Variants in CACHD1 observed in about 807,000 individuals in gnomAD.
CACHD1 encodes VWFA and cache domain-containing protein 1.
In CACHD1, 71 loss-of-function variants were observed where a neutral mutation model predicts 138.7. The ratio of observed to expected loss-of-function variants is 0.51; its 90% CI spans 0.42 to 0.62. CACHD1 has a LOEUF of 0.62. CACHD1 is among the 20% of genes least tolerant of loss of function. The pLI, the probability that CACHD1 is intolerant of heterozygous loss-of-function variation, is 0.00. For synonymous variants in CACHD1, 578 were observed against 591.5 expected (o/e 0.98, Z 0.33); for missense variants, 1,389 against 1,625.3 (o/e 0.85, Z 2.50).
intron 1 of CACHD1, among the ~76,000 whole-genome samples, chr1:64,539,599 C>A (rs140633779): frequency 6.6e-6 from 1 of 152,256 alleles, no homozygotes; most frequent in East Asian, 1.9e-4. Context: ...AATATGCAGG[C>A]CAATGTGTAG....
chr1:64,499,007 G>A (rs1202128632), intron 1 of CACHD1, among the ~76,000 whole-genome samples: 1 of 152,146 alleles, frequency 6.6e-6, no homozygotes, highest in Non-Finnish European at 1.5e-5. Flanking sequence ...CAGTTAGTTT[G>A]GGGTAGTATA....
chr1:64,633,528 A>G (rs1648389267), intron 6 of CACHD1, among the ~76,000 whole-genome samples: 1 of 152,142 alleles, frequency 6.6e-6, no homozygotes, highest in African/African-American at 2.4e-5. Context: ...GGAAGAAGGG[A>G]AAGCCGCTAG....
chr1:64,646,346 C>G (rs947782647), intron 8 of CACHD1, among the ~76,000 whole-genome samples: 9 of 152,284 alleles, frequency 5.9e-5, no homozygotes, highest in Non-Finnish European at 1.0e-4. Flanking sequence ...CTGATTCTGA[C>G]TTAATTTGGC....
intron 3 of CACHD1, among the ~76,000 whole-genome samples, chr1:64,582,959 A>G (rs1314851749): frequency 6.6e-6 from 1 of 152,156 alleles, no homozygotes; most frequent in Non-Finnish European, 1.5e-5. Flanking sequence ...GTTTATTTTT[A>G]TGCTCAGTTT....
chr1:64,474,875 C>G (rs1397694310), intron 1 of CACHD1, among the ~76,000 whole-genome samples: 1 of 152,246 alleles, frequency 6.6e-6, no homozygotes, highest in African/African-American at 2.4e-5. Context: ...TTACTATGAA[C>G]TTGGCAGACA....
chr1:64,665,759 G>A (rs910914657), intron 15 of CACHD1, among the ~76,000 whole-genome samples: 1 of 152,164 alleles, frequency 6.6e-6, no homozygotes, highest in Non-Finnish European at 1.5e-5. Flanking sequence ...ACTCACACTT[G>A]TAATCTCAGC....
rs367549239 is a variant in CACHD1 at position 64,629,410 on chromosome 1, A to G, written c.573A>G (p.Ser191=). ...GAATTAAGTGGCAATATTTCAGTTCAGAAGAAGGAATTTTCACTGTTTTCC... is the reference window on the plus strand; with the variant it reads ...GAATTAAGTGGCAATATTTCAGTTCGGAAGAAGGAATTTTCACTGTTTTCC... The part of the protein sequence containing the change: ...NPGIKWQYFS[S]EEGIFTVFPA... The change falls in exon 5 of 27, where the codon TCA becomes TCG. Residue 191 remains serine, a synonymous_variant. Transcript: ENST00000651257. 1.5e-5 allele frequency: 25 copies of G among 1,614,028 alleles called. No individual in the cohort carries two copies. Among genetic ancestry groups the G allele is most frequent in the Non-Finnish European group, 1.8e-5 (21 of 1,179,996 alleles).
At chr1:64,553,183 C>T (rs1380144116) in intron 2 of CACHD1, among the ~76,000 whole-genome samples, 4 of 152,184 alleles carry the variant, frequency 2.6e-5, no homozygotes, top group Admixed American at 2.0e-4. Context: ...AACAACATAA[C>T]AATAAAAGCT....
intron 3 of CACHD1, among the ~76,000 whole-genome samples, chr1:64,587,696 T>C (rs1647061697): frequency 6.6e-6 from 1 of 152,158 alleles, no homozygotes; most frequent in Admixed American, 6.5e-5. Flanking sequence ...TAAAACAACA[T>C]AGTTTTGAGA....
At chr1:64,619,700 TAG>T (rs937404950) in intron 4 of CACHD1, among the ~76,000 whole-genome samples, 1 of 152,104 alleles carries the variant, frequency 6.6e-6, no homozygotes, top group African/African-American at 2.4e-5. Context: ...CTTGGTTTAG[TAG>T]AAAGTGTTCT....
At position 64,635,455 on chromosome 1, in the gene CACHD1, C is replaced by A. The variant is rs547019954; in HGVS notation, c.1006+1195C>A. 3.4e-5 allele frequency among the ~76,000 whole-genome samples: 5 copies of A among 146,996 alleles called. No homozygotes were observed. The East Asian group carries it at 1.0e-3, about 30-fold the overall frequency. ...CTGGAGTGTGATCGCGCAATCCCGG[C>A]TCACTGCAACCTCCACCTCCCGGGT... On this transcript the variant is annotated intron_variant, in intron 7 of 26. Coordinates refer to ENST00000651257, the MANE Select transcript of CACHD1 (RefSeq NM_020925.4).
At chr1:64,618,348 A>G (rs1452609813) in intron 4 of CACHD1, among the ~76,000 whole-genome samples, 1 of 152,110 alleles carries the variant, frequency 6.6e-6, no homozygotes, top group African/African-American at 2.4e-5. Flanking sequence ...TGTTTATGCC[A>G]TGGCCCCTTT....
rs1646919813 is a variant in CACHD1 at position 64,570,626 on chromosome 1, T to G, written c.262-11530T>G. Among the ~76,000 whole-genome samples, 6 of 152,102 alleles carry G rather than the reference T, an allele frequency of 3.9e-5. 1 individual carries two copies. Among genetic ancestry groups the G allele is most frequent in the Admixed American group, 3.9e-4 (6 of 15,264 alleles). On this transcript the variant is annotated intron_variant, in intron 2 of 26. Transcript: ENST00000651257. ...TCATCAGATAGGGGATGAGAAGACC[T>G]TCCTAAATCCACCTGTGACTTAGAG... is the stretch of plus-strand genomic sequence containing the variant.
chr1:64,612,670 C>G (rs1647576203), intron 4 of CACHD1, among the ~76,000 whole-genome samples: 1 of 151,910 alleles, frequency 6.6e-6, no homozygotes, highest in South Asian at 2.1e-4. Flanking sequence ...TATTTTAAGC[C>G]CACTCTGGAG....
At chr1:64,678,413 C>A in intron 23 of CACHD1, 103 bp downstream of exon 23, 1 of 1,190,698 alleles carries the variant, frequency 8.4e-7, no homozygotes, top group Non-Finnish European at 1.1e-6. Flanking sequence ...TTCCCTGATT[C>A]CTTTGCTGGT....
At chr1:64,676,846 G>A in intron 21 of CACHD1, 49 bp from the exon 22 acceptor site, 1 of 1,460,260 alleles carries the variant, frequency 6.8e-7, no homozygotes, top group Admixed American at 1.8e-5. Context: ...GCATGAGTTT[G>A]GAATGTGGGC....
At chr1:64,581,683 T>C (rs1647013733) in intron 2 of CACHD1, among the ~76,000 whole-genome samples, 1 of 152,200 alleles carries the variant, frequency 6.6e-6, no homozygotes, top group Non-Finnish European at 1.5e-5. Context: ...TGGGACTGTG[T>C]AGCAGGAGAC....
intron 2 of CACHD1, among the ~76,000 whole-genome samples, chr1:64,552,011 A>AT (rs1028931995): frequency 9.2e-5 from 14 of 152,198 alleles, no homozygotes; most frequent in Admixed American, 3.9e-4. Context: ...TGAACGAAGC[A>AT]TGTTCAAGGA....
intron 2 of CACHD1, among the ~76,000 whole-genome samples, chr1:64,578,433 A>G (rs1365024148): frequency 1.3e-5 from 2 of 152,216 alleles, no homozygotes. Context: ...CACCTGCTTC[A>G]ATATGTATAT....
Sources: gnomAD v4.1 joint callset for allele counts (sites outside exome capture counted in the v4.1 genomes callset) on GRCh38, gnomAD v4.1.1 for gene constraint, MANE v1.5 for transcripts, NCBI Gene and HGNC (gene_info 2026-07-23, HGNC 2026-07-21) for gene names.